CFAP65: variants seen among roughly 807,000 people sequenced by gnomAD.
CFAP65 encodes cilia and flagella associated protein 65.
Under a neutral mutation model 208.0 loss-of-function variants are expected in CFAP65, and 155 were observed. That is an observed-to-expected ratio of 0.75 (90% CI 0.65 to 0.85). CFAP65 has a LOEUF of 0.85. Ranked by LOEUF, CFAP65 falls within the 40% of genes least tolerant of loss-of-function variation. The pLI, the probability that CFAP65 is intolerant of heterozygous loss-of-function variation, is 0.00. For missense variants in CFAP65, 2,294 were observed against 2,451.3 expected (o/e 0.94, Z 1.36); for synonymous variants, 970 against 986.3 (o/e 0.98, Z 0.31).
intron 21 of CFAP65, among the ~76,000 whole-genome samples, chr2:219,015,954 A>T (rs192814014): frequency 6.6e-6 from 1 of 151,352 alleles, no homozygotes; most frequent in East Asian, 1.9e-4. Flanking sequence ...AAAGTAACAG[A>T]TATAGTATTG....
At chr2:219,038,734 C>T (rs753497556) in intron 3 of CFAP65, 156 bp from the exon 4 acceptor site, 32 of 1,098,894 alleles carry the variant, frequency 2.9e-5, no homozygotes, top group Non-Finnish European at 3.9e-5. Flanking sequence ...TGAGGCTGTA[C>T]ACGAGATCCA....
chr2:219,025,914 C>T (rs1358691777), intron 14 of CFAP65, 108 bp downstream of exon 14: 30 of 1,399,422 alleles, frequency 2.1e-5, no homozygotes, highest in Non-Finnish European at 3.0e-5. Flanking sequence ...AGGGAGGGTG[C>T]AAAGATGTGT....
chr2:219,005,937 GT>G, intron 31 of CFAP65, 83 bp downstream of exon 31: 1 of 1,374,080 alleles, frequency 7.3e-7, no homozygotes, highest in Non-Finnish European at 1.0e-6. Flanking sequence ...CTCACCATGG[GT>G]TGGGTCTGGG....
Position 219,004,233 on chromosome 2 carries a change from TC to T in CFAP65, c.5273del (p.Gly1758GlufsTer38). On this transcript the variant is annotated frameshift_variant, in exon 33 of 35. Transcript: ENST00000341552. LOFTEE classifies it high-confidence loss of function. This position sits in a 1 kb window ranked among gnomAD's most constrained non-coding sequence, Gnocchi z 4.7. ...EDRPEHYPGL[G>X]KKEEGEEEKG... ...TCTCCTCCTCCCCCTCTTCCTTCTT[TC>T]CCAACCCTGGATAGTGCTCTGGTCT... The T allele has an allele frequency of 6.2e-7, 1 of 1,613,996 alleles. No individual in the cohort carries two copies. Among genetic ancestry groups the T allele is most frequent in the Non-Finnish European group, 8.5e-7 (1 of 1,180,000 alleles).
At chr2:219,008,186 A>G (rs755097845) in intron 29 of CFAP65, among the ~76,000 whole-genome samples, 2 of 152,168 alleles carry the variant, frequency 1.3e-5, no homozygotes, top group Non-Finnish European at 2.9e-5. Context: ...AGGGGATGCT[A>G]CAAAGAACTC....
At chr2:219,021,347 T>C (rs1397331169) in intron 18 of CFAP65, 67 bp from the exon 19 acceptor site, 2 of 1,465,016 alleles carry the variant, frequency 1.4e-6, no homozygotes, top group Non-Finnish European at 1.8e-6. Context: ...TGCTCCTTTG[T>C]AGATACCCTT....
At chr2:219,009,521 C>T (rs866482507) in intron 27 of CFAP65, 61 bp from the exon 28 acceptor site, 456 of 1,145,888 alleles carry the variant, frequency 4.0e-4, no homozygotes, top group Non-Finnish European at 2.4e-4. Flanking sequence ...TAGGATGGCA[C>T]GGAATAGGAT....
In CFAP65 at chr2:219,022,255, G is replaced by A. The variant is rs201376716; in HGVS notation, c.2895C>T (p.Ala965=). The change falls in exon 17 of 35, where the codon GCC becomes GCT. Residue 965 remains alanine, a synonymous_variant. Coordinates refer to ENST00000341552, the MANE Select transcript of CFAP65 (RefSeq NM_194302.4). ...CGGGGTTGGCATTTGGGGACAGGCC[G>A]GCTTCCCAGACCCACATCCCCACTT... ...LFQVGMWVWE[A]GLSPNANPAA... The A allele has an allele frequency of 2.6e-5, 42 of 1,607,380 alleles. No homozygotes were observed. In the East Asian group the frequency reaches 4.0e-4, roughly 15 times the overall value.
chr2:219,012,648 A>G (rs1246737616), intron 24 of CFAP65, among the ~76,000 whole-genome samples: 1 of 152,262 alleles, frequency 6.6e-6, no homozygotes, highest in Non-Finnish European at 1.5e-5. Context: ...AGAGCAAGGA[A>G]ACTGTATTGC....
chr2:219,029,756 T>G (rs927116956), intron 10 of CFAP65, 88 bp from the exon 11 acceptor site: 2 of 1,500,808 alleles, frequency 1.3e-6, no homozygotes, highest in African/African-American at 2.8e-5. Flanking sequence ...AGGGCCAGGC[T>G]ACAGGCCCAG....
In CFAP65 at chr2:219,032,468, A is replaced by G; in HGVS notation, c.645+2T>C. The G allele has an allele frequency of 6.3e-7, 1 of 1,581,628 alleles. No individual in the cohort carries two copies. Among genetic ancestry groups the G allele is most frequent in the Non-Finnish European group, 8.6e-7 (1 of 1,163,582 alleles). On this transcript the variant is annotated splice_donor_variant, in intron 6 of 34. Transcript: ENST00000341552. LOFTEE classifies it high-confidence loss of function. The surrounding 1 kb of genome is among the most constrained non-coding windows in gnomAD (Gnocchi z 5.5). Reference sequence around the variant, plus strand: ...GCCCTCACTCGCTGTGGCAGACCTTACCGCCTCCAGAGGCCGGAAGACGAT... The same window carrying G: ...GCCCTCACTCGCTGTGGCAGACCTTGCCGCCTCCAGAGGCCGGAAGACGAT...
Position 219,039,092 on chromosome 2 carries a change from A to G in CFAP65, c.-2-42T>C, listed in dbSNP as rs1401574447. On this transcript the variant is annotated intron_variant, in intron 2 of 34. Transcript: ENST00000341552. ...AAAGCATAAGTCAATCCATCTCCAG[A>G]GCAGAGGGATCCTCGATGACTGTAG... is the stretch of plus-strand genomic sequence containing the variant. 2.6e-6 allele frequency: 4 copies of G among 1,517,756 alleles called. No homozygotes were observed. The African/African-American group carries it at 5.5e-5, about 21-fold the overall frequency. 94.0% of individuals were successfully genotyped at this position (1,517,756 alleles called of 1,614,324 possible). A position where few individuals can be genotyped will look rare whatever the true frequency, so the allele number is the denominator to read the frequency against.
Position 219,010,982 on chromosome 2 carries a change from A to C in CFAP65, c.3972T>G (p.Tyr1324Ter). The C allele has an allele frequency of 6.2e-7, 1 of 1,607,208 alleles. No individual in the cohort carries two copies. Among genetic ancestry groups the C allele is most frequent in the Non-Finnish European group, 8.5e-7 (1 of 1,174,634 alleles). The change falls in exon 25 of 35, where the codon TAT (tyrosine) becomes TAG (stop). Residue 1324 changes from tyrosine to a stop codon, truncating the protein, a stop_gained. Transcript: ENST00000341552. LOFTEE classifies it high-confidence loss of function. ...ATGTCACGGGCACTGAGCCACCATT[A>C]TACAGCTCATAAATCTGCAGGGGGC... ...TLPPRQIYEL[Y>*]NGGSVPVTYE...
At chr2:219,040,639 G>C (rs1948608838) in intron 1 of CFAP65, 75 bp from the exon 2 acceptor site, 5 of 1,551,284 alleles carry the variant, frequency 3.2e-6, no homozygotes, top group Non-Finnish European at 3.5e-6. Context: ...ACTCATTAAT[G>C]CCTCTGACCT....
chr2:219,022,341 G>T lies in CFAP65; in HGVS notation c.2821-12C>A, dbSNP rs111844171. The T allele has an allele frequency of 1.3e-6, 2 of 1,588,364 alleles. No homozygotes were observed. On this transcript the variant is annotated splice_polypyrimidine_tract_variant and intron_variant, in intron 16 of 34. Transcript: ENST00000341552. The stretch of plus-strand genomic sequence containing the variant: ...GTCCACGTCAGCGTCTGGGGTCACA[G>T]AAATGATCCCTGCAGTGGCCTTCGG...
rs772403476 is a variant in CFAP65 at position 219,006,172 on chromosome 2, T to C, written c.4771A>G (p.Lys1591Glu). The change falls in exon 31 of 35, where the codon AAA (lysine) becomes GAA (glutamate). Residue 1591 changes from lysine to glutamate, a missense_variant. By Grantham distance (56) the Lys-to-Glu change is moderately conservative. Around this residue, in one of 2 missense-constraint regions of CFAP65, gnomAD observed 1,427 missense variants for 1,438.7 expected, o/e 0.99. Coordinates refer to ENST00000341552, the MANE Select transcript of CFAP65 (RefSeq NM_194302.4). ...ACCTCCTCCTTTGGGGTCTGCAGTT[T>C]CCAGCTGGCAGGCCGGCTGACAGAC... The part of the protein sequence containing the change: ...QQSVSRPASW[K>E]LQTPKEEVSW... 19 of 1,612,092 alleles carry C rather than the reference T, an allele frequency of 1.2e-5. No individual in the cohort carries two copies. Among genetic ancestry groups the C allele is most frequent in the Non-Finnish European group, 1.5e-5 (18 of 1,178,768 alleles).
intron 16 of CFAP65, 22 bp downstream of exon 16, chr2:219,023,185 C>T (rs776861184): frequency 1.2e-5 from 19 of 1,597,258 alleles, no homozygotes; most frequent in African/African-American, 2.7e-5. Context: ...TGCCGTCACT[C>T]GGCAGGAGGG....
intron 15 of CFAP65, 116 bp downstream of exon 15, chr2:219,023,899 G>A: frequency 1.6e-6 from 2 of 1,265,130 alleles, no homozygotes; most frequent in Non-Finnish European, 1.1e-6. Flanking sequence ...ACTTCCTGGA[G>A]GAGAAGTGGC....
rs1947296658 is a variant in CFAP65 at position 219,022,031 on chromosome 2, T to C, written c.2980-101A>G. The C allele has an allele frequency of 1.9e-6, 3 of 1,549,448 alleles. No homozygotes were observed. In the African/African-American group the frequency reaches 4.1e-5, roughly 21 times the overall value. ...AGAGCATCCCCCAAGGAAGGGCAAGTTTGGGGTATCCGGGGCAGAGGGCTC... is the reference window on the plus strand; with the variant it reads ...AGAGCATCCCCCAAGGAAGGGCAAGCTTGGGGTATCCGGGGCAGAGGGCTC... On this transcript the variant is annotated intron_variant, in intron 17 of 34. Transcript: ENST00000341552.
Sources: allele counts gnomAD v4.1 joint callset (sites outside exome capture counted in the v4.1 genomes callset), GRCh38; gene constraint gnomAD v4.1.1; regional missense constraint gnomAD v4.1.1; non-coding constraint Gnocchi (gnomAD v3.1); transcripts MANE v1.5; gene names NCBI Gene and HGNC (gene_info 2026-07-23, HGNC 2026-07-21).